TRPM7: variants seen among roughly 807,000 people sequenced by gnomAD.
The protein encoded by TRPM7 is transient receptor potential cation channel subfamily M member 7, also known as LTRPC ion channel family member 7.
In TRPM7, 134 loss-of-function variants were observed where a neutral mutation model predicts 229.7. The ratio of observed to expected loss-of-function variants is 0.58; its 90% CI spans 0.51 to 0.67. TRPM7 has a LOEUF of 0.67. Among genes scored for constraint, TRPM7 ranks in the 30% least tolerant of loss-of-function variants. TRPM7 has a pLI of 0.00. For synonymous variants in TRPM7, 699 were observed against 715.2 expected (o/e 0.98, Z 0.36); for missense variants, 1,901 against 2,210.0 (o/e 0.86, Z 2.80).
At chr15:50,634,611 C>G (rs1465549713) in intron 7 of TRPM7, 55 bp from the exon 8 acceptor site, 5 of 1,275,018 alleles carry the variant, frequency 3.9e-6, no homozygotes, top group Non-Finnish European at 4.0e-6. Flanking sequence ...AAGTTTCTCT[C>G]CAAGAAAAAA....
In TRPM7 at chr15:50,614,107, C is replaced by A. The variant is rs367960460; in HGVS notation, c.1635+16G>T. The A allele has an allele frequency of 4.7e-5, 75 of 1,581,988 alleles. No homozygotes were observed. Among genetic ancestry groups the A allele is most frequent in the Non-Finnish European group, 5.9e-5 (69 of 1,167,530 alleles). ...ATTAAAGCATATATATAGATTTCCCCACAAATTTTACATACCCGATTATTT... is the reference window on the plus strand; with the variant it reads ...ATTAAAGCATATATATAGATTTCCCAACAAATTTTACATACCCGATTATTT... On this transcript the variant is annotated intron_variant, in intron 14 of 38. Coordinates refer to ENST00000646667, the MANE Select transcript of TRPM7 (RefSeq NM_017672.6).
intron 1 of TRPM7, among the ~76,000 whole-genome samples, chr15:50,667,602 G>A (rs1427912804): frequency 6.6e-6 from 1 of 152,136 alleles, no homozygotes; most frequent in African/African-American, 2.4e-5. Flanking sequence ...AGCTGCTAGG[G>A]AAGCTGAGGC....
At position 50,574,462 on chromosome 15, in the gene TRPM7, A is replaced by C; in HGVS notation, c.5120T>G (p.Leu1707Arg). 1 of 1,612,924 alleles carries C rather than the reference A, an allele frequency of 6.2e-7. No homozygotes were observed. The highest frequency in any genetic ancestry group is 8.5e-7 in the Non-Finnish European group (1 of 1,179,686). The change falls in exon 36 of 39, where the codon CTG becomes CGG. Residue 1707 changes from leucine to arginine, a missense_variant. By Grantham distance (102) the Leu-to-Arg change is moderately radical. Transcript: ENST00000646667. ...CTGTCCTGCTGAATGGCAATACAGCAGGAAAACTTCAAGGAACCTTATAAA... is the reference window on the plus strand; with the variant it reads ...CTGTCCTGCTGAATGGCAATACAGCCGGAAAACTTCAAGGAACCTTATAAA... ...PYSPRFLEVF[L>R]LYCHSAGQWF...
At chr15:50,676,297 A>G (rs938615645) in intron 1 of TRPM7, among the ~76,000 whole-genome samples, 1 of 152,218 alleles carries the variant, frequency 6.6e-6, no homozygotes, top group African/African-American at 2.4e-5. Context: ...AACATGTGGA[A>G]ATCAAATTTT....
In TRPM7 at chr15:50,560,754, A is replaced by C. The variant is rs554634701; in HGVS notation, c.*924T>G. ...TTCAAATGTTCCAACACAATTTTAA[A>C]TATATGCAAGAGTTCATGTTTACAT... On this transcript the variant is annotated 3_prime_UTR_variant, in exon 39 of 39. Transcript: ENST00000646667. 5.9e-5 allele frequency: 9 copies of C among 152,752 alleles called. No homozygotes were observed. The East Asian group carries it at 1.7e-3, about 29-fold the overall frequency. 9.5% of individuals were successfully genotyped at this position (152,752 alleles called of 1,614,324 possible). A position where few individuals can be genotyped will look rare whatever the true frequency, so the allele number is the denominator to read the frequency against.
intron 3 of TRPM7, among the ~76,000 whole-genome samples, chr15:50,653,177 G>A (rs140375977): frequency 3.9e-5 from 6 of 152,256 alleles, no homozygotes; most frequent in South Asian, 2.1e-4. Flanking sequence ...AGAAACGGAC[G>A]TGGTGGCTCA....
At chr15:50,683,888 G>A (rs1268278434) in intron 1 of TRPM7, among the ~76,000 whole-genome samples, 2 of 149,022 alleles carry the variant, frequency 1.3e-5, no homozygotes, top group African/African-American at 2.5e-5. Flanking sequence ...TTTTTTTTTT[G>A]AGAAAGACTC....
At chr15:50,613,944 C>T in intron 14 of TRPM7, 103 bp from the exon 15 acceptor site, 1 of 1,405,936 alleles carries the variant, frequency 7.1e-7, no homozygotes. Context: ...TTTGTGTACA[C>T]ACACAAAATA....
intron 1 of TRPM7, among the ~76,000 whole-genome samples, chr15:50,673,355 T>C (rs1284590289): frequency 6.6e-6 from 1 of 152,236 alleles, no homozygotes; most frequent in South Asian, 2.1e-4. Flanking sequence ...TGTGAGATTT[T>C]GGTGCACCCA....
chr15:50,665,467 T>C (rs1455263230), intron 1 of TRPM7, among the ~76,000 whole-genome samples: 1 of 152,006 alleles, frequency 6.6e-6, no homozygotes, highest in Non-Finnish European at 1.5e-5. Context: ...ACTGGGTATC[T>C]GGCAGATCAT....
chr15:50,631,078 T>C (rs914055654), intron 10 of TRPM7, among the ~76,000 whole-genome samples: 4 of 152,138 alleles, frequency 2.6e-5, no homozygotes, highest in Non-Finnish European at 5.9e-5. Context: ...TCCTCCTGCT[T>C]TGGCTCCCAA....
At chr15:50,609,171 T>C in intron 19 of TRPM7, among the ~76,000 whole-genome samples, 1 of 152,234 alleles carries the variant, frequency 6.6e-6, no homozygotes, top group East Asian at 1.9e-4. Context: ...TGGATTACTT[T>C]TTATCATCAT....
Position 50,557,683 on chromosome 15 carries a change from C to T in TRPM7, c.*3995G>A, listed in dbSNP as rs1045333095. 1 of 152,210 alleles carries T rather than the reference C, an allele frequency of 6.6e-6. No homozygotes were observed. Among genetic ancestry groups the T allele is most frequent in the Admixed American group, 6.5e-5 (1 of 15,272 alleles). The allele number at this position is 152,210 out of a possible 1,614,324, so 9.4% of individuals were successfully genotyped here. A position where few individuals can be genotyped will look rare whatever the true frequency, so the allele number is the denominator to read the frequency against. On this transcript the variant is annotated 3_prime_UTR_variant, in exon 39 of 39. Transcript: ENST00000646667. ...TTTTTGAGACAGAGTTCTGCTGTCA[C>T]CCAGGCTGGAGTGCAGTGGCAGCAA... is the stretch of plus-strand genomic sequence containing the variant.
chr15:50,622,707 G>A (rs1179770455), intron 12 of TRPM7, among the ~76,000 whole-genome samples: 5 of 152,058 alleles, frequency 3.3e-5, no homozygotes, highest in Admixed American at 1.3e-4. Context: ...CCAACATGGC[G>A]AAACCCCATC....
At chr15:50,606,379 AAAACAAAC>A (rs373781520) in intron 20 of TRPM7, among the ~76,000 whole-genome samples, 3 of 151,860 alleles carry the variant, frequency 2.0e-5, no homozygotes, top group African/African-American at 4.9e-5. Flanking sequence ...ACTACGTCTC[AAAACAAAC>A]AAACAAACAA....
chr15:50,639,592 T>G, intron 5 of TRPM7, 44 bp from the exon 6 acceptor site: 1 of 1,579,644 alleles, frequency 6.3e-7, no homozygotes, highest in Non-Finnish European at 8.6e-7. Flanking sequence ...TTTTATTTTC[T>G]TAAAGACAGG....
intron 28 of TRPM7, among the ~76,000 whole-genome samples, chr15:50,583,898 GAGA>G (rs1242600784): frequency 3.9e-5 from 6 of 152,108 alleles, no homozygotes; most frequent in Admixed American, 6.6e-5. Flanking sequence ...CTACAGAACA[GAGA>G]AGATTTCCCA....
At chr15:50,599,544 G>T in intron 21 of TRPM7, 1 of 329,768 alleles carries the variant, frequency 3.0e-6, no homozygotes. Context: ...TCTACATAAT[G>T]AATTGTATCA....
chr15:50,640,183 A>T (rs1043169752), intron 5 of TRPM7, among the ~76,000 whole-genome samples: 1 of 152,156 alleles, frequency 6.6e-6, no homozygotes, highest in African/African-American at 2.4e-5. Flanking sequence ...CACACACAAT[A>T]AACAATGACA....
Sources: allele counts gnomAD v4.1 joint callset (sites outside exome capture counted in the v4.1 genomes callset), GRCh38; gene constraint gnomAD v4.1.1; transcripts MANE v1.5; gene names NCBI Gene and HGNC (gene_info 2026-07-23, HGNC 2026-07-21).